The following GRIK2 variants were observed in gnomAD, a reference collection of about 807,000 sequenced individuals.
GRIK2 encodes glutamate ionotropic receptor kainate type subunit 2.
Under a neutral mutation model 100.3 loss-of-function variants are expected in GRIK2, and 32 were observed. The ratio of observed to expected loss-of-function variants is 0.32; its 90% confidence interval spans 0.24 to 0.43. The LOEUF is 0.43. Among genes scored for constraint, GRIK2 ranks in the 20% least tolerant of loss-of-function variants. The pLI, the probability that GRIK2 is intolerant of heterozygous loss-of-function variation, is 1.00. For missense variants in GRIK2, 843 were observed against 1,114.9 expected (o/e 0.76, Z 3.47); for synonymous variants, 417 against 389.4 (o/e 1.07, Z -0.83).
chr6:102,035,782 T>C (rs1770237615), intron 15 of GRIK2, among the ~76,000 whole-genome samples: 1 of 151,438 alleles, frequency 6.6e-6, no homozygotes, highest in Non-Finnish European at 1.5e-5. Context: ...ATCAAAATGG[T>C]CAGTAGATAT....
chr6:101,761,460 G>A (rs1034040356), intron 7 of GRIK2, among the ~76,000 whole-genome samples: 1 of 151,904 alleles, frequency 6.6e-6, no homozygotes, highest in Non-Finnish European at 1.5e-5. Context: ...TTGCAATTGT[G>A]GCCCCACCCC....
intron 2 of GRIK2, among the ~76,000 whole-genome samples, chr6:101,588,293 T>C (rs1374335948): frequency 6.6e-6 from 1 of 151,980 alleles, no homozygotes; most frequent in African/African-American, 2.4e-5. Context: ...GATGTATATG[T>C]AAAAGCTTGA....
intron 2 of GRIK2, among the ~76,000 whole-genome samples, chr6:101,427,452 G>A (rs1483404934): frequency 5.9e-5 from 9 of 152,128 alleles, no homozygotes; most frequent in African/African-American, 2.2e-4. Flanking sequence ...CTAAGTAGCT[G>A]GAAAATGTGC....
rs527970715 is a variant in GRIK2, at chr6:102,023,042, T to C, written c.2086-12299T>C. Among the ~76,000 whole-genome samples, 12 of 151,528 alleles carry C rather than the reference T, an allele frequency of 7.9e-5. No homozygotes were observed. The East Asian group carries it at 2.4e-3, about 30-fold the overall frequency. On this transcript the variant is annotated intron_variant, in intron 14 of 16. Transcript: ENST00000369134. ...TTAGAGTGTTGCAAGAATGCAGGAG[T>C]GGTTAAGAGAATGGCATACTGGAGA...
At chr6:101,556,194 T>C (rs1400074174) in intron 2 of GRIK2, among the ~76,000 whole-genome samples, 1 of 151,838 alleles carries the variant, frequency 6.6e-6, no homozygotes, top group Non-Finnish European at 1.5e-5. Flanking sequence ...CTATAAAATT[T>C]TAAAATAATG....
intron 14 of GRIK2, among the ~76,000 whole-genome samples, chr6:102,010,366 C>T (rs1363377385): frequency 1.3e-5 from 2 of 150,400 alleles, no homozygotes; most frequent in East Asian, 2.0e-4. Context: ...TCCTCCTCCT[C>T]CCCCCACTTC....
chr6:101,562,293 G>A (rs541996680), intron 2 of GRIK2, among the ~76,000 whole-genome samples: 102 of 152,142 alleles, frequency 6.7e-4, no homozygotes, highest in African/African-American at 2.4e-3. Context: ...CAGGATGACA[G>A]ATGACAGTTC....
intron 12 of GRIK2, among the ~76,000 whole-genome samples, chr6:101,891,152 G>A (rs954135212): frequency 1.3e-5 from 2 of 150,162 alleles, no homozygotes; most frequent in Admixed American, 1.3e-4. Context: ...TTCCAATGAA[G>A]TAATGTATTT....
At chr6:101,553,807 TTAAAG>T in intron 2 of GRIK2, among the ~76,000 whole-genome samples, 1 of 152,330 alleles carries the variant, frequency 6.6e-6, no homozygotes, top group Middle Eastern at 3.4e-3. Context: ...AATTTAAAAG[TTAAAG>T]TAATAAGAAC....
chr6:101,750,730 A>AG (rs1452296288), intron 7 of GRIK2, among the ~76,000 whole-genome samples: 1 of 152,182 alleles, frequency 6.6e-6, no homozygotes, highest in African/African-American at 2.4e-5. Context: ...AGAGAGAGAG[A>AG]AAGAGAAGGG....
intron 12 of GRIK2, among the ~76,000 whole-genome samples, chr6:101,891,277 G>T (rs2128457917): frequency 6.6e-6 from 1 of 151,966 alleles, no homozygotes; most frequent in Admixed American, 6.6e-5. Flanking sequence ...CCAGCACTTT[G>T]GGAGGCCAAG....
chr6:101,625,384 T>C, intron 3 of GRIK2, among the ~76,000 whole-genome samples: 1 of 147,610 alleles, frequency 6.8e-6, no homozygotes, highest in African/African-American at 2.5e-5. Flanking sequence ...ACAAAATAAA[T>C]AATAAATAAA....
chr6:101,546,001 T>A (rs1776212035), intron 2 of GRIK2, among the ~76,000 whole-genome samples: 1 of 152,032 alleles, frequency 6.6e-6, no homozygotes. Flanking sequence ...CTGCATCCAG[T>A]GCCCCATTCA....
At chr6:101,718,989 A>G (rs926338866) in intron 7 of GRIK2, among the ~76,000 whole-genome samples, 9 of 151,990 alleles carry the variant, frequency 5.9e-5, no homozygotes, top group Non-Finnish European at 7.4e-5. Flanking sequence ...TATATAAAGC[A>G]TATATTTATC....
chr6:101,583,222 G>A (rs679098), intron 2 of GRIK2, among the ~76,000 whole-genome samples: 1 of 151,854 alleles, frequency 6.6e-6, no homozygotes, highest in Non-Finnish European at 1.5e-5. Flanking sequence ...AAGGGGAGTC[G>A]GCTGGTGGAG....
intron 2 of GRIK2, among the ~76,000 whole-genome samples, chr6:101,579,862 A>C (rs1777987571): frequency 6.6e-6 from 1 of 151,738 alleles, no homozygotes. Context: ...AAAAAAAAAA[A>C]AAAAAAGAAA....
intron 16 of GRIK2, chr6:102,063,920 TA>T: frequency 1.2e-6 from 1 of 853,666 alleles, no homozygotes; most frequent in Non-Finnish European, 2.0e-6. Flanking sequence ...TAAATGCAAT[TA>T]TACATGCTAA....
At chr6:102,011,680 T>C (rs2114317261) in intron 14 of GRIK2, among the ~76,000 whole-genome samples, 1 of 145,240 alleles carries the variant, frequency 6.9e-6, no homozygotes, top group East Asian at 2.1e-4. Flanking sequence ...GCCTCCTGGG[T>C]TCACGCCATT....
At chr6:101,867,391 T>A (rs1173878118) in intron 11 of GRIK2, among the ~76,000 whole-genome samples, 1 of 151,784 alleles carries the variant, frequency 6.6e-6, no homozygotes, top group African/African-American at 2.4e-5. Flanking sequence ...ATTTTTAAAC[T>A]TTTTTTCTCA....
Sources: gnomAD v4.1 joint callset for allele counts (sites outside exome capture counted in the v4.1 genomes callset) on GRCh38, gnomAD v4.1.1 for gene constraint, MANE v1.5 for transcripts, NCBI Gene and HGNC (gene_info 2026-07-23, HGNC 2026-07-21) for gene names.